GPC6: variants seen among roughly 807,000 people sequenced by gnomAD.
GPC6 encodes the protein glypican 6, also known as glypican-6.
A neutral mutation model predicts 55.2 loss-of-function variants in GPC6; 14 were observed. The ratio of observed to expected loss-of-function variants is 0.25; its 90% CI spans 0.17 to 0.40. GPC6 has a LOEUF of 0.40. Ranked by LOEUF, GPC6 falls within the 10% of genes least tolerant of loss-of-function variation. The pLI, the probability that GPC6 is intolerant of heterozygous loss-of-function variation, is 1.00. For missense variants in GPC6, 641 were observed against 708.5 expected (o/e 0.90, Z 1.08); for synonymous variants, 278 against 259.6 (o/e 1.07, Z -0.68).
At chr13:94,402,885 T>G in intron 8 of GPC6, 130 bp from the exon 9 acceptor site, 1 of 792,780 alleles carries the variant, frequency 1.3e-6, no homozygotes, top group Non-Finnish European at 2.2e-6. Flanking sequence ...ATGATTGAAT[T>G]ACCTCCACAT....
chr13:93,957,624 A>G (rs1028939458), intron 3 of GPC6, among the ~76,000 whole-genome samples: 1 of 152,170 alleles, frequency 6.6e-6, no homozygotes, highest in Non-Finnish European at 1.5e-5. Context: ...TCAGTTTGCC[A>G]TTGATGGGCA....
chr13:94,142,450 T>C (rs951143202), intron 4 of GPC6, among the ~76,000 whole-genome samples: 2 of 152,194 alleles, frequency 1.3e-5, no homozygotes, highest in African/African-American at 4.8e-5. Context: ...TTCTGAAAAG[T>C]GTGATTAAAA....
intron 6 of GPC6, among the ~76,000 whole-genome samples, chr13:94,363,347 C>T (rs1489417422): frequency 3.9e-5 from 6 of 152,102 alleles, no homozygotes; most frequent in Non-Finnish European, 7.4e-5. Context: ...TTTATATAAA[C>T]TGAAGCAATT....
At chr13:94,340,486 T>TTA (rs1877978170) in intron 6 of GPC6, among the ~76,000 whole-genome samples, 1 of 152,190 alleles carries the variant, frequency 6.6e-6, no homozygotes, top group South Asian at 2.1e-4. Flanking sequence ...CATCACACAA[T>TTA]TATTTGGCCT....
At chr13:94,184,787 C>G (rs1330092686) in intron 4 of GPC6, among the ~76,000 whole-genome samples, 1 of 152,132 alleles carries the variant, frequency 6.6e-6, no homozygotes, top group Non-Finnish European at 1.5e-5. Flanking sequence ...AATTCAATTA[C>G]TGGGTATACA....
chr13:93,219,381 C>A, the GPC6 span, among the ~76,000 whole-genome samples: 1 of 152,140 alleles, frequency 6.6e-6, no homozygotes, highest in Non-Finnish European at 1.5e-5. Context: ...CGTGAGCCAC[C>A]ATGCCAGGCC....
At chr13:94,136,986 A>G (rs1266026215) in intron 4 of GPC6, among the ~76,000 whole-genome samples, 1 of 152,176 alleles carries the variant, frequency 6.6e-6, no homozygotes, top group African/African-American at 2.4e-5. Flanking sequence ...CATCAGTAAG[A>G]CTCAATGACT....
intron 2 of GPC6, among the ~76,000 whole-genome samples, chr13:93,773,982 A>T (rs768148478): frequency 2.6e-5 from 4 of 152,224 alleles, no homozygotes; most frequent in Non-Finnish European, 5.9e-5. Flanking sequence ...TGTTGAGATC[A>T]GACAGTCAGA....
chr13:93,658,587 A>G (rs1368235114), intron 2 of GPC6, among the ~76,000 whole-genome samples: 2 of 151,312 alleles, frequency 1.3e-5, no homozygotes, highest in Non-Finnish European at 3.0e-5. Flanking sequence ...TATTTTTTTT[A>G]TTTTTTACCC....
intron 2 of GPC6, among the ~76,000 whole-genome samples, chr13:93,556,783 C>T (rs1875506271): frequency 1.3e-5 from 2 of 152,048 alleles, no homozygotes; most frequent in African/African-American, 2.4e-5. Context: ...TTAGATCCTA[C>T]AAATGAATGA....
chr13:94,226,441 A>T (rs1373128503), intron 4 of GPC6, among the ~76,000 whole-genome samples: 4 of 152,122 alleles, frequency 2.6e-5, no homozygotes, highest in Non-Finnish European at 4.4e-5. Flanking sequence ...TTGAATTTCC[A>T]CAAAGAAACG....
intron 1 of GPC6, among the ~76,000 whole-genome samples, chr13:93,370,795 G>T (rs375914514): frequency 6.6e-6 from 1 of 152,090 alleles, no homozygotes; most frequent in Admixed American, 6.6e-5. Context: ...GAACAATCTT[G>T]TTTATTGTTT....
chr13:93,431,037 T>G (rs1267349259), intron 1 of GPC6, among the ~76,000 whole-genome samples: 1 of 152,138 alleles, frequency 6.6e-6, no homozygotes, highest in Non-Finnish European at 1.5e-5. Context: ...AGAACAATAT[T>G]ATTTATTTTG....
intron 7 of GPC6, among the ~76,000 whole-genome samples, chr13:94,391,729 T>C (rs112681843): frequency 1.3e-5 from 2 of 152,198 alleles, no homozygotes; most frequent in African/African-American, 2.4e-5. Context: ...GCAACCATCA[T>C]CACCATCCAT....
intron 2 of GPC6, among the ~76,000 whole-genome samples, chr13:93,658,952 T>C (rs1880806171): frequency 1.3e-5 from 2 of 151,984 alleles, no homozygotes; most frequent in South Asian, 4.1e-4. Context: ...TCACCATTAA[T>C]GGTTCATTAA....
At chr13:93,255,768 G>A (rs905973352) in intron 1 of GPC6, among the ~76,000 whole-genome samples, 7 of 152,064 alleles carry the variant, frequency 4.6e-5, no homozygotes, top group Non-Finnish European at 7.4e-5. Flanking sequence ...TATTTTTTGA[G>A]GCTGGGGAGT....
chr13:93,445,879 C>T (rs538931475), intron 1 of GPC6, among the ~76,000 whole-genome samples: 4 of 152,240 alleles, frequency 2.6e-5, no homozygotes, highest in African/African-American at 9.6e-5. Flanking sequence ...ATACAAAGAA[C>T]TCTTCAGGAA....
At chr13:93,311,821 A>C (rs1405932593) in intron 1 of GPC6, among the ~76,000 whole-genome samples, 1 of 152,162 alleles carries the variant, frequency 6.6e-6, no homozygotes, top group Non-Finnish European at 1.5e-5. Context: ...CTCATACTTC[A>C]AGAATCATTA....
At chr13:94,113,296 G>A (rs1886314836) in intron 4 of GPC6, among the ~76,000 whole-genome samples, 1 of 152,068 alleles carries the variant, frequency 6.6e-6, no homozygotes, top group Admixed American at 6.6e-5. Context: ...GTGAGCTGCT[G>A]AGTCTTGAGT....
Sources: allele counts gnomAD v4.1 joint callset (sites outside exome capture counted in the v4.1 genomes callset), GRCh38; gene constraint gnomAD v4.1.1; transcripts MANE v1.5; gene names NCBI Gene and HGNC (gene_info 2026-07-23, HGNC 2026-07-21).